The following THTPA variants were observed in gnomAD, a reference collection of about 807,000 sequenced individuals.
The protein encoded by THTPA is thiamine triphosphatase.
A neutral mutation model predicts 16.5 loss-of-function variants in THTPA; 16 were observed. The observed-to-expected ratio is 0.97, with a 90% CI of 0.66 to 1.47. The LOEUF (loss-of-function observed/expected upper bound fraction) is 1.47, where lower values mean the gene tolerates loss of function less well. Ranked by LOEUF, THTPA falls within the 40% of genes most tolerant of loss-of-function variation. The pLI, the probability that THTPA is intolerant of heterozygous loss-of-function variation, is 0.00. For synonymous variants in THTPA, 110 were observed against 115.5 expected (o/e 0.95, Z 0.30); for missense variants, 281 against 280.9 (o/e 1.00, Z 0.00).
the THTPA span, among the ~76,000 whole-genome samples, chr14:23,539,341 T>C: frequency 0.17 from 25,690 of 151,816 alleles, 2,451 homozygotes; most frequent in Admixed American, 0.28. Context: ...CAAAAAAATA[T>C]ATACAGTCGT....
At chr14:23,525,026 A>G in the THTPA span, 1 of 1,536,120 alleles carries the variant, frequency 6.5e-7, no homozygotes, top group Non-Finnish European at 8.7e-7. This position sits in a 1 kb window ranked among gnomAD's most constrained non-coding sequence, Gnocchi z 5.9. Context: ...CCACACCACC[A>G]CCACACGGCT....
chr14:23,528,604 A>C, the THTPA span: 1 of 985,260 alleles, frequency 1.0e-6, no homozygotes, highest in Non-Finnish European at 1.2e-6. Flanking sequence ...GCCTCTGTGA[A>C]CCATCACCTG....
At position 23,557,209 on chromosome 14, in the gene THTPA, T is replaced by G. The variant is rs776642835; in HGVS notation, c.452T>G (p.Phe151Cys). The change falls in exon 1 of 2, where the codon TTT becomes TGT. Residue 151 changes from phenylalanine (F) to cysteine (C), a missense_variant. Phe to Cys is a radical substitution (Grantham distance 205). Transcript: ENST00000288014. The stretch of plus-strand genomic sequence containing the variant: ...AGGGTGGACTTGGATACAGCCGACT[T>G]TGGCTACGCTGTGGGTGAGGTAGAG... ...QLRVDLDTAD[F>C]GYAVGEVEAL... 3 of 1,613,776 alleles carry G rather than the reference T, an allele frequency of 1.9e-6. No individual in the cohort carries two copies. In the Admixed American group the frequency reaches 5.0e-5, roughly 27 times the overall value.
At chr14:23,528,241 T>A in the THTPA span, among the ~76,000 whole-genome samples, 47 of 152,162 alleles carry the variant, frequency 3.1e-4, no homozygotes, top group Admixed American at 1.9e-3. Flanking sequence ...ACTAGCCAGA[T>A]AGGAAGGCAT....
At chr14:23,532,836 A>G in the THTPA span, 1 of 1,536,526 alleles carries the variant, frequency 6.5e-7, no homozygotes, top group African/African-American at 1.4e-5. Flanking sequence ...GTGCCATAGC[A>G]GCAAAGCTTG....
chr14:23,548,886 C>T, the THTPA span, among the ~76,000 whole-genome samples: 4 of 152,334 alleles, frequency 2.6e-5, no homozygotes, highest in Non-Finnish European at 4.4e-5. Flanking sequence ...GCATCAGTCA[C>T]GCTGTGTCCT....
chr14:23,534,529 G>A, the THTPA span: 2 of 1,536,030 alleles, frequency 1.3e-6, no homozygotes, highest in African/African-American at 1.4e-5. This position sits in a 1 kb window ranked among gnomAD's most constrained non-coding sequence, Gnocchi z 4.5. Flanking sequence ...CTGATATTGG[G>A]CAGGGGTTAG....
Position 23,559,853 on chromosome 14 carries a change from AG to A in THTPA, c.*1015del. ...CGCAGCTTTAGCCGCAGGGGGGCCT[AG>A]GAATAGGAGAGCAGGGACCAGGGTT... On this transcript the variant is annotated 3_prime_UTR_variant, in exon 2 of 2. Transcript: ENST00000288014. 1 of 1,614,060 alleles carries A rather than the reference AG, an allele frequency of 6.2e-7. No individual in the cohort carries two copies. Among genetic ancestry groups the A allele is most frequent in the Non-Finnish European group, 8.5e-7 (1 of 1,180,004 alleles).
upstream of THTPA, among the ~76,000 whole-genome samples, chr14:23,552,444 C>T (rs1028540388): frequency 1.3e-5 from 2 of 151,990 alleles, no homozygotes; most frequent in Non-Finnish European, 2.9e-5. Context: ...AGGCATGCAT[C>T]AACACACCCA....
At chr14:23,548,894 C>T in the THTPA span, among the ~76,000 whole-genome samples, 1 of 152,328 alleles carries the variant, frequency 6.6e-6, no homozygotes, top group South Asian at 2.1e-4. Context: ...CACGCTGTGT[C>T]CTCCTCACAC....
chr14:23,557,375 A>T (rs1475408846), intron 1 of THTPA, 71 bp downstream of exon 1: 1 of 1,438,222 alleles, frequency 7.0e-7, no homozygotes, highest in African/African-American at 1.4e-5. Context: ...CTGCTGGACC[A>T]TGCAGTGGGG....
chr14:23,539,239 C>A, the THTPA span, among the ~76,000 whole-genome samples: 3 of 152,164 alleles, frequency 2.0e-5, no homozygotes, highest in Non-Finnish European at 2.9e-5. Context: ...TTCCTCTGTC[C>A]AGACCCAGGT....
At chr14:23,553,743 A>C (rs189173793), upstream of THTPA, among the ~76,000 whole-genome samples, 371 of 151,280 alleles carry the variant, frequency 2.5e-3, 1 homozygote, top group Non-Finnish European at 4.4e-3. Flanking sequence ...AATTACAAAA[A>C]ATTAGCCGGG....
chr14:23,555,231 T>C (rs1343557673), upstream of THTPA, among the ~76,000 whole-genome samples: 1 of 152,126 alleles, frequency 6.6e-6, no homozygotes, highest in East Asian at 1.9e-4. Context: ...ACTCCTGACC[T>C]CAGGTGATTC....
the THTPA span, chr14:23,542,144 T>C: frequency 6.6e-6 from 1 of 152,294 alleles, no homozygotes; most frequent in African/African-American, 2.4e-5. Flanking sequence ...TTTGCATATA[T>C]TGAATCTTTT....
At chr14:23,527,785 C>T in the THTPA span, 7 of 1,535,652 alleles carry the variant, frequency 4.6e-6, no homozygotes, top group African/African-American at 1.4e-5. Context: ...CAGGAAGCTG[C>T]AGTATGGACA....
the THTPA span, chr14:23,527,572 T>C: frequency 1.3e-6 from 2 of 1,536,078 alleles, no homozygotes; most frequent in Non-Finnish European, 1.7e-6. Flanking sequence ...AATAAGGTCT[T>C]GTTGTACCGT....
intron 1 of THTPA, among the ~76,000 whole-genome samples, chr14:23,558,311 T>C (rs981545498): frequency 1.3e-5 from 2 of 152,260 alleles, no homozygotes; most frequent in Non-Finnish European, 2.9e-5. Context: ...CTGCATGTGC[T>C]TCATTACTAA....
chr14:23,560,075 G>C lies in THTPA; in HGVS notation c.*1235G>C. On this transcript the variant is annotated 3_prime_UTR_variant, in exon 2 of 2. Coordinates refer to ENST00000288014, the MANE Select transcript of THTPA (RefSeq NM_024328.6). ...TTTAACAGAGCACAGTATGGCAGTA[G>C]GTAGGGCTCAGGCAGCCCCTCTATA... 6.8e-7 allele frequency: 1 copy of C among 1,478,734 alleles called. No homozygotes were observed. 91.6% of individuals were successfully genotyped at this position (1,478,734 alleles called of 1,614,324 possible).
Sources: allele counts gnomAD v4.1 joint callset (sites outside exome capture counted in the v4.1 genomes callset), GRCh38; gene constraint gnomAD v4.1.1; non-coding constraint Gnocchi (gnomAD v3.1); transcripts MANE v1.5; gene names NCBI Gene and HGNC (gene_info 2026-07-23, HGNC 2026-07-21).